Variants in CEP104 observed in about 807,000 individuals in gnomAD.
CEP104 encodes the protein centrosomal protein 104, also known as centrosomal protein of 104 kDa.
Under a neutral mutation model 113.3 loss-of-function variants are expected in CEP104, and 84 were observed. The ratio of observed to expected loss-of-function variants is 0.74; its 90% confidence interval spans 0.62 to 0.89. CEP104 has a LOEUF of 0.89. Ranked by LOEUF, CEP104 falls within the 40% of genes least tolerant of loss-of-function variation. The pLI, the probability that CEP104 is intolerant of heterozygous loss-of-function variation, is 0.00. For missense variants in CEP104, 1,053 were observed against 1,156.6 expected, an observed-to-expected ratio of 0.91 and a Z score of 1.30; for synonymous variants, 378 against 421.7, an observed-to-expected ratio of 0.90 and a Z score of 1.27.
chr1:3,849,856 G>A (rs538793955), intron 2 of CEP104, among the ~76,000 whole-genome samples: 10 of 151,766 alleles, frequency 6.6e-5, no homozygotes, highest in South Asian at 6.3e-4. Context: ...CTCCAAAACT[G>A]TTTAAAGAAA....
intron 1 of CEP104, among the ~76,000 whole-genome samples, chr1:3,852,787 G>A (rs1166267321): frequency 1.3e-5 from 2 of 152,182 alleles, no homozygotes; most frequent in Non-Finnish European, 2.9e-5. Flanking sequence ...TGAGGTCCTC[G>A]GGGTGGGCCC....
At chr1:3,852,527 A>G (rs1354910037) in intron 1 of CEP104, 106 bp from the exon 2 acceptor site, 4 of 982,540 alleles carry the variant, frequency 4.1e-6, no homozygotes, top group Non-Finnish European at 5.7e-6. Flanking sequence ...ATAATGCACT[A>G]AGTATTCAGA....
chr1:3,815,689 ATTTT>A (rs35136906), intron 21 of CEP104, among the ~76,000 whole-genome samples, 172 bp from the exon 22 acceptor site: 1 of 144,404 alleles, frequency 6.9e-6, no homozygotes. Context: ...TCAGCTTCCT[ATTTT>A]TTTTTTTTTT....
At chr1:3,845,849 A>C (rs958324935) in intron 4 of CEP104, among the ~76,000 whole-genome samples, 1 of 152,162 alleles carries the variant, frequency 6.6e-6, no homozygotes, top group Admixed American at 6.5e-5. Context: ...TCACTATGGG[A>C]GGCCAAGGTG....
At chr1:3,836,883 G>A (rs2124672729) in intron 9 of CEP104, 191 bp from the exon 10 acceptor site, 1 of 583,102 alleles carries the variant, frequency 1.7e-6, no homozygotes, top group Non-Finnish European at 3.0e-6. Context: ...ATTAGATGAG[G>A]CTTTCTATTA....
At chr1:3,825,985 C>T in intron 17 of CEP104, 119 bp from the exon 18 acceptor site, 1 of 741,602 alleles carries the variant, frequency 1.3e-6, no homozygotes, top group Admixed American at 2.1e-5. Flanking sequence ...GTGCACTTTC[C>T]CTCTCATCTG....
In CEP104 at chr1:3,829,968, C is replaced by T; in HGVS notation, c.1866G>A (p.Val622=). 6.2e-7 allele frequency: 1 copy of T among 1,614,212 alleles called. No individual in the cohort carries two copies. The highest frequency in any genetic ancestry group is 8.5e-7 in the Non-Finnish European group (1 of 1,180,036). Residue 622 remains valine, a synonymous_variant, in exon 14 of 22, where the codon GTG becomes GTA. Coordinates refer to ENST00000378230, the MANE Select transcript of CEP104 (RefSeq NM_014704.4). ...GAACCGCCGTCTCGCGGACCTCATA[C>T]ACTCTATGCTCCAGGGCACTCACTG... ...KFSVSALEHR[V]YEVRETAVRI... is the part of the protein sequence containing the mutation.
At chr1:3,829,621 G>A in intron 14 of CEP104, 170 bp downstream of exon 14, 1 of 735,032 alleles carries the variant, frequency 1.4e-6, no homozygotes, top group Non-Finnish European at 2.2e-6. Flanking sequence ...GGCAGAAAGT[G>A]GAGCAGCCGG....
chr1:3,851,005 G>A (rs1229371460), intron 2 of CEP104, among the ~76,000 whole-genome samples: 2 of 152,222 alleles, frequency 1.3e-5, no homozygotes, highest in Non-Finnish European at 2.9e-5. Flanking sequence ...GGCATGAGCA[G>A]GGTCATGGGG....
chr1:3,828,819 T>C (rs1644143290), intron 15 of CEP104, among the ~76,000 whole-genome samples: 1 of 149,990 alleles, frequency 6.7e-6, no homozygotes, highest in African/African-American at 2.5e-5. Context: ...CAAATAGTAT[T>C]TGTTCCCAGT....
Position 3,829,675 on chromosome 1 carries a change from G to C in CEP104, c.2043+116C>G, listed in dbSNP as rs1326022202. On this transcript the variant is annotated intron_variant, in intron 14 of 21. Coordinates refer to ENST00000378230, the MANE Select transcript of CEP104 (RefSeq NM_014704.4). Reference sequence around the variant, plus strand: ...TGTGTTCTTTCTTAGCCAGGACGCCGGGGCTTCCCATACATGTGGCTCCTT... The same window carrying C: ...TGTGTTCTTTCTTAGCCAGGACGCCCGGGCTTCCCATACATGTGGCTCCTT... The C allele has an allele frequency of 3.6e-6, 4 of 1,116,258 alleles. No individual in the cohort carries two copies. In the East Asian group the frequency reaches 9.4e-5, roughly 26 times the overall value. The allele number at this position is 1,116,258 out of a possible 1,614,324, so 69.1% of individuals were successfully genotyped here.
Position 3,836,660 on chromosome 1 carries a change from A to G in CEP104, c.1152T>C (p.Leu384=), listed in dbSNP as rs1644320630. 1 of 1,613,554 alleles carries G rather than the reference A, an allele frequency of 6.2e-7. No individual in the cohort carries two copies. Among genetic ancestry groups the G allele is most frequent in the East Asian group, 2.2e-5 (1 of 44,876 alleles). ...AESLPYDERP[L]PAIRKHYGEA... is the part of the protein sequence containing the mutation. ...CCCCATAATGCTTACGAATAGCTGG[A>G]AGAGGCCGCTCATCGTAGGGCAGGG... Residue 384 remains leucine (L), a synonymous_variant, in exon 10 of 22, where the codon CTT becomes CTC. Transcript: ENST00000378230.
Position 3,812,182 on chromosome 1 carries a change from T to C in CEP104, c.*3220A>G, listed in dbSNP as rs1046474511. ...ATATATTACTTAGATATTTTGTAAT[T>C]CTGGTACTTGAAATAAAGACAAATA... On this transcript the variant is annotated 3_prime_UTR_variant, in exon 22 of 22. Transcript: ENST00000378230. 1.3e-5 allele frequency: 2 copies of C among 152,212 alleles called. No individual in the cohort carries two copies. The highest frequency in any genetic ancestry group is 2.9e-5 in the Non-Finnish European group (2 of 68,036). 9.4% of individuals were successfully genotyped at this position (152,212 alleles called of 1,614,324 possible).
intron 13 of CEP104, 61 bp downstream of exon 13, chr1:3,830,985 C>A: frequency 6.8e-7 from 1 of 1,477,344 alleles, no homozygotes. Context: ...ACCCTCGCCA[C>A]GCTCCAGGCA....
intron 20 of CEP104, chr1:3,822,791 G>T: frequency 5.5e-6 from 1 of 181,222 alleles, no homozygotes. Flanking sequence ...TAACCAAATA[G>T]GGCTGGGTTT....
intron 6 of CEP104, among the ~76,000 whole-genome samples, chr1:3,843,479 G>A (rs975158457): frequency 6.6e-6 from 1 of 150,562 alleles, no homozygotes; most frequent in African/African-American, 2.4e-5. Context: ...AATTTCCTGA[G>A]TAGTTGAGAC....
intron 18 of CEP104, among the ~76,000 whole-genome samples, chr1:3,825,380 A>G (rs751133535): frequency 2.6e-5 from 4 of 152,210 alleles, no homozygotes; most frequent in Non-Finnish European, 5.9e-5. Context: ...GCACAGCGGA[A>G]GGTGGATGAA....
At position 3,848,713 on chromosome 1, in the gene CEP104, A is replaced by G; in HGVS notation, c.182T>C (p.Leu61Ser). The G allele has an allele frequency of 5.0e-6, 8 of 1,613,874 alleles. No homozygotes were observed. The highest frequency in any genetic ancestry group is 6.8e-6 in the Non-Finnish European group (8 of 1,179,884). Residue 61 changes from leucine to serine, a missense_variant, in exon 3 of 22, where the codon TTA (leucine) becomes TCA (serine). Transcript: ENST00000378230. The stretch of plus-strand genomic sequence containing the variant: ...TGAAATCATATACTGGTGAGCAAGT[A>G]ACTGCAGTTTCCTTATTCGACATCT... Reference protein sequence around the residue: ...VERCRIRKLQLLAHQYMISSK... With the variant: ...VERCRIRKLQSLAHQYMISSK...
chr1:3,855,444 C>G (rs1022323137), intron 1 of CEP104, among the ~76,000 whole-genome samples: 1 of 151,334 alleles, frequency 6.6e-6, no homozygotes, highest in East Asian at 1.9e-4. Flanking sequence ...GTTGGGATTA[C>G]AGGCGTGAGC....
Sources: allele counts gnomAD v4.1 joint callset (sites outside exome capture counted in the v4.1 genomes callset), GRCh38; gene constraint gnomAD v4.1.1; transcripts MANE v1.5; gene names NCBI Gene and HGNC (gene_info 2026-07-23, HGNC 2026-07-21).